DNAH8: variants seen among roughly 807,000 people sequenced by gnomAD.
The protein encoded by DNAH8 is axonemal beta dynein heavy chain 8.
DNAH8 carries 382 observed loss-of-function variants against 562.1 expected under a neutral mutation model. The ratio of observed to expected loss-of-function variants is 0.68; its 90% CI spans 0.63 to 0.74. DNAH8 has a LOEUF of 0.74. DNAH8 is among the 30% of genes least tolerant of loss of function. The pLI is 0.00. For missense variants in DNAH8, 5,203 were observed against 5,620.4 expected, an observed-to-expected ratio of 0.93 and a Z score of 2.37; for synonymous variants, 1,881 against 1,919.4, an observed-to-expected ratio of 0.98 and a Z score of 0.52.
At chr6:38,905,520 A>G (rs1780387497) in intron 62 of DNAH8, among the ~76,000 whole-genome samples, 1 of 152,156 alleles carries the variant, frequency 6.6e-6, no homozygotes. Flanking sequence ...TTTATGACTA[A>G]TTTTATTCAT....
In DNAH8 at chr6:38,872,639, G is replaced by A; in HGVS notation, c.7094G>A (p.Cys2365Tyr). The A allele has an allele frequency of 6.2e-7, 1 of 1,614,126 alleles. No individual in the cohort carries two copies. The highest frequency in any genetic ancestry group is 8.5e-7 in the Non-Finnish European group (1 of 1,179,978). The change falls in exon 50 of 93, where the codon TGC (cysteine) becomes TAC (tyrosine). Residue 2365 changes from cysteine (C) to tyrosine (Y), a missense_variant. This residue lies in a region of DNAH8 where 2,176 missense variants were observed against 2,365.1 expected (regional missense o/e 0.92). Coordinates refer to ENST00000327475, the MANE Select transcript of DNAH8 (RefSeq NM_001206927.2). ...ITILMKAQTECGRPHREMRMN... is the reference protein window; with the variant it reads ...ITILMKAQTEYGRPHREMRMN... Reference sequence around the variant, plus strand: ...ATTCTAATGAAGGCGCAAACAGAATGCGGAAGGCCTCATAGAGAAATGCGA... The same window carrying A: ...ATTCTAATGAAGGCGCAAACAGAATACGGAAGGCCTCATAGAGAAATGCGA...
chr6:38,878,134 A>G (rs1010965546), intron 53 of DNAH8, among the ~76,000 whole-genome samples: 1 of 152,250 alleles, frequency 6.6e-6, no homozygotes, highest in African/African-American at 2.4e-5. Context: ...CCACAGTTAT[A>G]CTAAAGGTGT....
chr6:38,729,651 A>C (rs1025201059), intron 3 of DNAH8, among the ~76,000 whole-genome samples: 1 of 152,190 alleles, frequency 6.6e-6, no homozygotes, highest in Non-Finnish European at 1.5e-5. Flanking sequence ...TTTAACCCCT[A>C]TATGATTCTG....
chr6:38,784,387 C>T (rs529965855), intron 17 of DNAH8, among the ~76,000 whole-genome samples: 1 of 152,276 alleles, frequency 6.6e-6, no homozygotes, highest in Admixed American at 6.5e-5. Context: ...TTTCTACCCC[C>T]AATACCCTTT....
chr6:38,851,879 T>G (rs776689099), intron 39 of DNAH8, among the ~76,000 whole-genome samples: 3 of 152,234 alleles, frequency 2.0e-5, no homozygotes, highest in Non-Finnish European at 2.9e-5. Flanking sequence ...GCACTGACTA[T>G]GCCATTCCTA....
rs1279844349 is a variant in DNAH8, at chr6:38,896,232, A to C, written c.8940+7A>C. The C allele has an allele frequency of 6.2e-7, 1 of 1,609,326 alleles. No individual in the cohort carries two copies. The highest frequency in any genetic ancestry group is 1.7e-5 in the Admixed American group (1 of 59,764). On this transcript the variant is annotated splice_region_variant and intron_variant, in intron 60 of 92. Transcript: ENST00000327475. ...ACCCAAAATATATGAATTGGTATTT[A>C]TTTTCATCTCTTAAAAGAGGTTTTC...
intron 3 of DNAH8, among the ~76,000 whole-genome samples, chr6:38,725,274 T>A (rs1763113052): frequency 6.8e-6 from 1 of 147,908 alleles, no homozygotes; most frequent in Non-Finnish European, 1.5e-5. Flanking sequence ...CTGCACTCCA[T>A]CCTGGGCGAT....
chr6:38,969,195 T>C (rs931860425), intron 82 of DNAH8, among the ~76,000 whole-genome samples: 5 of 152,174 alleles, frequency 3.3e-5, no homozygotes, highest in African/African-American at 1.2e-4. Flanking sequence ...TTGATAGTAG[T>C]GATAGTTATG....
chr6:38,928,956 C>T (rs1782320828), intron 74 of DNAH8, among the ~76,000 whole-genome samples: 1 of 152,154 alleles, frequency 6.6e-6, no homozygotes. Context: ...AAAATGTAAG[C>T]ATATATAAAG....
At chr6:38,731,081 G>C (rs1446310639) in intron 4 of DNAH8, among the ~76,000 whole-genome samples, 1 of 151,978 alleles carries the variant, frequency 6.6e-6, no homozygotes, top group Non-Finnish European at 1.5e-5. Context: ...TTGTTTCTTC[G>C]ATAAAATATG....
intron 52 of DNAH8, among the ~76,000 whole-genome samples, chr6:38,874,068 T>TTTTCTTTC (rs1554124175): frequency 0.048 from 2,732 of 57,038 alleles, 525 homozygotes; most frequent in African/African-American, 0.1. Flanking sequence ...CTTTCTTTCT[T>TTTTCTTTC]TTTCTTTCTT....
rs953595214 is a variant in DNAH8, at chr6:38,911,483, A to G, written c.9756A>G (p.Ala3252=). Residue 3252 remains alanine, a synonymous_variant, in exon 66 of 93, where the codon GCA becomes GCG. Coordinates refer to ENST00000327475, the MANE Select transcript of DNAH8 (RefSeq NM_001206927.2). ...ESYFQRYRRR[A]HVTPKSYLSF... Reference sequence around the variant, plus strand: ...CTGCTTTCAGATACCGCCGAAGAGCACATGTGACTCCCAAATCTTACCTCT... The same window carrying G: ...CTGCTTTCAGATACCGCCGAAGAGCGCATGTGACTCCCAAATCTTACCTCT... The G allele has an allele frequency of 1.2e-6, 2 of 1,612,982 alleles. No homozygotes were observed. Among genetic ancestry groups the G allele is most frequent in the East Asian group, 2.2e-5 (1 of 44,858 alleles).
Position 38,885,433 on chromosome 6 carries a change from T to C in DNAH8, c.8260-1358T>C, listed in dbSNP as rs138640355. 7.5e-3 allele frequency among the ~76,000 whole-genome samples: 1,147 copies of C among 152,230 alleles called. 13 individuals carry two copies. Among genetic ancestry groups the C allele is most frequent in the Non-Finnish European group, 0.011 (736 of 67,998 alleles). On this transcript the variant is annotated intron_variant, in intron 56 of 92. Transcript: ENST00000327475. Reference sequence around the variant, plus strand: ...TCATTACAAATGCCTCCTCACTGCCTCCTGTCTCCCTTACCCTTCTCAGCT... The same window carrying C: ...TCATTACAAATGCCTCCTCACTGCCCCCTGTCTCCCTTACCCTTCTCAGCT...
chr6:39,020,447 G>T (rs1766839371), intron 91 of DNAH8, among the ~76,000 whole-genome samples: 1 of 152,090 alleles, frequency 6.6e-6, no homozygotes, highest in Non-Finnish European at 1.5e-5. Flanking sequence ...TACTGCCTGG[G>T]GCCCCAGAAC....
chr6:38,949,753 T>C (rs189898013), intron 81 of DNAH8, among the ~76,000 whole-genome samples, 183 bp downstream of exon 81: 8 of 152,356 alleles, frequency 5.3e-5, no homozygotes, highest in Non-Finnish European at 8.8e-5. Context: ...TGGTTTTGGA[T>C]AGCAGTTCTT....
chr6:38,890,802 T>C, intron 58 of DNAH8, 41 bp downstream of exon 58: 1 of 1,372,920 alleles, frequency 7.3e-7, no homozygotes, highest in Non-Finnish European at 1.0e-6. Flanking sequence ...AAGGCAACTA[T>C]TATTCAGCCC....
At chr6:38,889,640 G>C (rs1230572971) in intron 57 of DNAH8, among the ~76,000 whole-genome samples, 1 of 152,196 alleles carries the variant, frequency 6.6e-6, no homozygotes, top group Non-Finnish European at 1.5e-5. Context: ...CTTTTAGCTA[G>C]TGCTTGGCAG....
intron 74 of DNAH8, among the ~76,000 whole-genome samples, chr6:38,926,529 G>T (rs1290132894): frequency 6.6e-6 from 1 of 152,106 alleles, no homozygotes; most frequent in Admixed American, 6.5e-5. Context: ...TGATCCCTCA[G>T]TTCAAGACCA....
chr6:38,984,026 CTG>C (rs1293349949), intron 86 of DNAH8, among the ~76,000 whole-genome samples, 178 bp from the exon 87 acceptor site: 1 of 152,014 alleles, frequency 6.6e-6, no homozygotes, highest in East Asian at 1.9e-4. Context: ...GGTGAACAAA[CTG>C]TAGTGGTTCC....
Sources: allele counts gnomAD v4.1 joint callset (sites outside exome capture counted in the v4.1 genomes callset), GRCh38; gene constraint gnomAD v4.1.1; regional missense constraint gnomAD v4.1.1; transcripts MANE v1.5; gene names NCBI Gene and HGNC (gene_info 2026-07-23, HGNC 2026-07-21).